Variants in NBEA observed in about 807,000 individuals in gnomAD.
NBEA encodes neurobeachin, also known as lysosomal-trafficking regulator 2.
In NBEA, 44 loss-of-function variants were observed where a neutral mutation model predicts 343.4. The ratio of observed to expected loss-of-function variants is 0.13; its 90% confidence interval spans 0.10 to 0.16. The LOEUF is 0.16. Ranked by LOEUF, NBEA falls within the 10% of genes least tolerant of loss-of-function variation. The pLI is 1.00. For synonymous variants in NBEA, 1,175 were observed against 1,238.7 expected, an observed-to-expected ratio of 0.95 and a Z score of 1.08; for missense variants, 2,555 against 3,631.3, an observed-to-expected ratio of 0.70 and a Z score of 7.62.
intron 33 of NBEA, among the ~76,000 whole-genome samples, chr13:35,232,252 G>A (rs995783491): frequency 3.9e-5 from 6 of 152,074 alleles, no homozygotes; most frequent in African/African-American, 1.4e-4. Flanking sequence ...TGGCCCTTTC[G>A]GGTGGCATAA....
At chr13:35,332,217 T>TAGGAAAAAGAA (rs2038968265) in intron 36 of NBEA, among the ~76,000 whole-genome samples, 1 of 151,914 alleles carries the variant, frequency 6.6e-6, no homozygotes, top group Non-Finnish European at 1.5e-5. Context: ...TAAAAGAAAA[T>TAGGAAAAAGAA]AAGAGGAAAT....
intron 33 of NBEA, among the ~76,000 whole-genome samples, chr13:35,214,915 A>C (rs942858762): frequency 4.6e-5 from 7 of 151,700 alleles, no homozygotes; most frequent in African/African-American, 1.7e-4. Context: ...CTTTATGTAT[A>C]TTAATGTTTT....
chr13:34,957,048 C>T (rs1164707124), intron 1 of NBEA, among the ~76,000 whole-genome samples: 1 of 151,220 alleles, frequency 6.6e-6, no homozygotes, highest in Non-Finnish European at 1.5e-5. Flanking sequence ...TATATATACA[C>T]ACACACATAT....
intron 58 of NBEA, among the ~76,000 whole-genome samples, chr13:35,670,059 A>T (rs1434626329): frequency 6.6e-6 from 1 of 152,210 alleles, no homozygotes; most frequent in Non-Finnish European, 1.5e-5. Context: ...TTGTTGTTTT[A>T]TAATGAATAG....
At chr13:35,367,929 C>T (rs1245539023) in intron 38 of NBEA, among the ~76,000 whole-genome samples, 1 of 151,374 alleles carries the variant, frequency 6.6e-6, no homozygotes, top group East Asian at 1.9e-4. Context: ...TAACAAAATA[C>T]CTTGTTAACT....
At chr13:35,279,657 A>G (rs2152810268) in intron 34 of NBEA, among the ~76,000 whole-genome samples, 1 of 152,300 alleles carries the variant, frequency 6.6e-6, no homozygotes, top group Middle Eastern at 3.4e-3. Context: ...TGTGCTGTCC[A>G]GATATGTTGT....
chr13:35,173,633 T>C, intron 27 of NBEA, 39 bp downstream of exon 27: 2 of 1,572,794 alleles, frequency 1.3e-6, no homozygotes. Flanking sequence ...ATAATTTACC[T>C]GAAAAAAATC....
chr13:34,984,569 A>T (rs1272790067), intron 1 of NBEA, among the ~76,000 whole-genome samples: 1 of 140,476 alleles, frequency 7.1e-6, no homozygotes, highest in African/African-American at 2.5e-5. Context: ...AGTTTTTTCC[A>T]ATTCTGTGAA....
intron 1 of NBEA, among the ~76,000 whole-genome samples, chr13:34,960,292 A>G (rs910406841): frequency 2.6e-5 from 4 of 152,268 alleles, no homozygotes; most frequent in Admixed American, 1.3e-4. Flanking sequence ...TTGTATAGTC[A>G]TATAATGTGT....
intron 38 of NBEA, among the ~76,000 whole-genome samples, chr13:35,357,882 G>A (rs1368555598): frequency 1.3e-5 from 2 of 152,100 alleles, no homozygotes; most frequent in Non-Finnish European, 2.9e-5. Context: ...GATATCCAAT[G>A]CTTATTAGTA....
intron 24 of NBEA, among the ~76,000 whole-genome samples, chr13:35,166,349 T>C (rs1302256969): frequency 1.3e-5 from 2 of 152,142 alleles, no homozygotes; most frequent in Admixed American, 6.6e-5. Flanking sequence ...ATTGCACCAG[T>C]CAAATTTGCT....
At chr13:35,111,894 A>G (rs900330559) in intron 13 of NBEA, among the ~76,000 whole-genome samples, 1 of 151,288 alleles carries the variant, frequency 6.6e-6, no homozygotes, top group African/African-American at 2.4e-5. Context: ...TCCCGTTGAT[A>G]AGGAAAAATA....
Position 35,178,880 on chromosome 13 carries a change from A to C in NBEA, c.4662+1777A>C, listed in dbSNP as rs186911278. Among the ~76,000 whole-genome samples, 650 of 151,634 alleles carry C rather than the reference A, an allele frequency of 4.3e-3. 2 individuals are homozygous for C. The highest frequency in any genetic ancestry group is 7.3e-3 in the Non-Finnish European group (491 of 67,610). Reference sequence around the variant, plus strand: ...AAATGGGAATAGTCATCCTGAAAAAATGTGTTGTGAAAAGGATTTTTTTTA... The same window carrying C: ...AAATGGGAATAGTCATCCTGAAAAACTGTGTTGTGAAAAGGATTTTTTTTA... On this transcript the variant is annotated intron_variant, in intron 28 of 58. Transcript: ENST00000379939.
chr13:35,143,420 A>T (rs530024173), intron 18 of NBEA, among the ~76,000 whole-genome samples: 1 of 152,316 alleles, frequency 6.6e-6, no homozygotes, highest in East Asian at 1.9e-4. Context: ...CCATCATGTC[A>T]AAACAAGAAA....
chr13:35,470,443 T>C (rs1277806067), intron 40 of NBEA, among the ~76,000 whole-genome samples: 2 of 152,168 alleles, frequency 1.3e-5, no homozygotes, highest in African/African-American at 4.8e-5. Flanking sequence ...TAATTCACCA[T>C]TTTTAGTGTT....
chr13:35,510,429 CTGT>C (rs1566243340), intron 41 of NBEA, among the ~76,000 whole-genome samples: 2 of 152,272 alleles, frequency 1.3e-5, no homozygotes, highest in East Asian at 3.9e-4. Flanking sequence ...TTTTTCAGCT[CTGT>C]TGTTCTGACC....
chr13:35,255,101 T>C (rs1163325853), intron 34 of NBEA, among the ~76,000 whole-genome samples: 1 of 152,218 alleles, frequency 6.6e-6, no homozygotes, highest in Non-Finnish European at 1.5e-5. Context: ...TGAATCGACC[T>C]CATGTTGCTT....
At chr13:34,954,165 C>T (rs2059425580) in intron 1 of NBEA, among the ~76,000 whole-genome samples, 1 of 152,080 alleles carries the variant, frequency 6.6e-6, no homozygotes, top group Non-Finnish European at 1.5e-5. Context: ...TTAAAGTATA[C>T]AGGAGGGTGT....
At position 35,020,886 on chromosome 13, in the gene NBEA, C is replaced by T. The variant is rs543692516; in HGVS notation, c.295-20047C>T. 4.6e-5 allele frequency among the ~76,000 whole-genome samples: 7 copies of T among 152,132 alleles called. No homozygotes were observed. The South Asian group carries it at 1.0e-3, about 23-fold the overall frequency. The stretch of plus-strand genomic sequence containing the variant: ...GAGGTGTCTTTTTAATCTACTGAGA[C>T]AGGTGTGTTGAAATTTCAACAAAAA... On this transcript the variant is annotated intron_variant, in intron 1 of 58. Transcript: ENST00000379939.
Sources: gnomAD v4.1 joint callset for allele counts (sites outside exome capture counted in the v4.1 genomes callset) on GRCh38, gnomAD v4.1.1 for gene constraint, MANE v1.5 for transcripts, NCBI Gene and HGNC (gene_info 2026-07-23, HGNC 2026-07-21) for gene names.